Variants in SLC9C1 observed in about 807,000 individuals in gnomAD.
SLC9C1 encodes solute carrier family 9 member C1, also known as sodium/hydrogen exchanger 10.
In SLC9C1, 97 loss-of-function variants were observed where a neutral mutation model predicts 140.9. That is an observed-to-expected ratio of 0.69 (90% CI 0.58 to 0.82). The LOEUF is 0.82. Among genes scored for constraint, SLC9C1 ranks in the 40% least tolerant of loss-of-function variants. SLC9C1 has a pLI of 0.00. For synonymous variants in SLC9C1, 440 were observed against 442.6 expected (o/e 0.99, Z 0.07); for missense variants, 1,340 against 1,389.3 (o/e 0.96, Z 0.56).
chr3:112,167,090 A>G, intron 26 of SLC9C1, 131 bp downstream of exon 26: 1 of 921,290 alleles, frequency 1.1e-6, no homozygotes, highest in Non-Finnish European at 1.6e-6. Context: ...TACATTGAAT[A>G]GCAAATATGG....
intron 26 of SLC9C1, among the ~76,000 whole-genome samples, chr3:112,166,951 T>G (rs1461196972): frequency 1.3e-5 from 2 of 152,190 alleles, no homozygotes; most frequent in Non-Finnish European, 2.9e-5. Context: ...ATCTTAATTT[T>G]GGGGAAGAGC....
At chr3:112,293,113 A>C (rs2080735769) in intron 1 of SLC9C1, among the ~76,000 whole-genome samples, 1 of 2,758 alleles carries the variant, frequency 3.6e-4, no homozygotes, top group Non-Finnish European at 8.6e-4. Flanking sequence ...CTAAAAATAC[A>C]AAAAAAAAAA....
chr3:112,197,264 G>A (rs1213150611), intron 20 of SLC9C1, among the ~76,000 whole-genome samples: 2 of 152,062 alleles, frequency 1.3e-5, no homozygotes, highest in African/African-American at 4.8e-5. Context: ...AAATAAAGAG[G>A]TTAAAAAAAG....
chr3:112,211,440 G>A (rs1285727731), intron 15 of SLC9C1, among the ~76,000 whole-genome samples: 1 of 152,218 alleles, frequency 6.6e-6, no homozygotes, highest in Non-Finnish European at 1.5e-5. Flanking sequence ...AAGGGGTCGG[G>A]GGATTCCCTT....
In SLC9C1 at chr3:112,274,882, T is replaced by A. The variant is rs777373133; in HGVS notation, c.613+15A>T. ...GATTCTGATGTTGAGAAAAATTTTT[T>A]AAAAATATACTTACCTAAGGTATGG... is the stretch of plus-strand genomic sequence containing the variant. On this transcript the variant is annotated intron_variant, in intron 6 of 28. Coordinates refer to ENST00000305815, the MANE Select transcript of SLC9C1 (RefSeq NM_183061.3). 41 of 1,528,320 alleles carry A rather than the reference T, an allele frequency of 2.7e-5. No homozygotes were observed. Among genetic ancestry groups the A allele is most frequent in the Admixed American group, 2.3e-5 (1 of 42,702 alleles). The allele number at this position is 1,528,320 out of a possible 1,614,324, so 94.7% of individuals were successfully genotyped here.
chr3:112,215,256 T>C (rs1301293385), intron 15 of SLC9C1, among the ~76,000 whole-genome samples: 2 of 152,222 alleles, frequency 1.3e-5, no homozygotes, highest in African/African-American at 4.8e-5. Flanking sequence ...AATATCATAC[T>C]GAATGGGCAA....
chr3:112,179,303 T>C (rs1267113545), intron 23 of SLC9C1, among the ~76,000 whole-genome samples: 1 of 152,162 alleles, frequency 6.6e-6, no homozygotes, highest in Non-Finnish European at 1.5e-5. Flanking sequence ...TTGCCAGTTT[T>C]TCTGGATACA....
chr3:112,214,898 C>T (rs1048634630), intron 15 of SLC9C1, among the ~76,000 whole-genome samples: 1 of 138,138 alleles, frequency 7.2e-6, no homozygotes, highest in African/African-American at 2.7e-5. Context: ...CTGGCAGAGA[C>T]ACAACAAAAA....
intron 21 of SLC9C1, 53 bp downstream of exon 21, chr3:112,182,080 A>T: frequency 3.3e-6 from 4 of 1,216,626 alleles, no homozygotes; most frequent in Middle Eastern, 3.0e-4. Context: ...CTTATTTTAA[A>T]GATTATTTGT....
At chr3:112,157,827 T>G (rs1226065123) in intron 26 of SLC9C1, among the ~76,000 whole-genome samples, 1 of 151,986 alleles carries the variant, frequency 6.6e-6, no homozygotes, top group Non-Finnish European at 1.5e-5. Flanking sequence ...GACTGATCAC[T>G]GTTAGCCTAT....
intron 8 of SLC9C1, among the ~76,000 whole-genome samples, chr3:112,265,788 T>A (rs1383181803): frequency 1.3e-5 from 2 of 152,166 alleles, no homozygotes; most frequent in Non-Finnish European, 2.9e-5. Flanking sequence ...CCCAGCTTAC[T>A]CTTCTGATTT....
intron 6 of SLC9C1, among the ~76,000 whole-genome samples, chr3:112,273,520 A>G (rs1263443866): frequency 1.3e-5 from 2 of 152,124 alleles, no homozygotes; most frequent in Admixed American, 1.3e-4. Flanking sequence ...CCTATGCCCA[A>G]GTGGGGTAAC....
At chr3:112,213,817 A>G (rs941572847) in intron 15 of SLC9C1, among the ~76,000 whole-genome samples, 1 of 152,198 alleles carries the variant, frequency 6.6e-6, no homozygotes, top group Non-Finnish European at 1.5e-5. Context: ...AAAGTTAACA[A>G]GGATATCCAG....
Position 112,165,321 on chromosome 3 carries a change from G to T in SLC9C1, c.3364+1900C>A, listed in dbSNP as rs560542257. On this transcript the variant is annotated intron_variant, in intron 26 of 28. Transcript: ENST00000305815. ...TTTGTTCCATTGCTGGTGAGGAGCTGCATTCCTTTAGAGAAGGAGAGGCAC... is the reference window on the plus strand; with the variant it reads ...TTTGTTCCATTGCTGGTGAGGAGCTTCATTCCTTTAGAGAAGGAGAGGCAC... Among the ~76,000 whole-genome samples, 8 of 152,304 alleles carry T rather than the reference G, an allele frequency of 5.3e-5. No individual in the cohort carries two copies. The East Asian group carries it at 1.5e-3, about 29-fold the overall frequency.
At chr3:112,177,962 A>G (rs1386404864) in intron 23 of SLC9C1, among the ~76,000 whole-genome samples, 1 of 151,838 alleles carries the variant, frequency 6.6e-6, no homozygotes, top group South Asian at 2.1e-4. Context: ...TTATATGCCA[A>G]AAATAAAAAT....
intron 23 of SLC9C1, among the ~76,000 whole-genome samples, chr3:112,176,842 G>T (rs568035313): frequency 6.6e-6 from 1 of 152,136 alleles, no homozygotes; most frequent in Admixed American, 6.5e-5. Flanking sequence ...CCAAGGCTTT[G>T]TTAGGTCTTA....
intron 3 of SLC9C1, chr3:112,279,060 A>C: frequency 2.3e-6 from 1 of 429,120 alleles, no homozygotes; most frequent in Non-Finnish European, 4.1e-6. Flanking sequence ...GAAGAATAGA[A>C]CGGATAGAGA....
chr3:112,168,589 CTG>C (rs1322530875), intron 25 of SLC9C1, among the ~76,000 whole-genome samples: 1 of 152,170 alleles, frequency 6.6e-6, no homozygotes, highest in Non-Finnish European at 1.5e-5. Context: ...CAATGAATAA[CTG>C]TACCAAAATC....
rs1049366711 is a variant in SLC9C1 at position 112,194,803 on chromosome 3, C to CT, written c.2523+4517dup. Reference sequence around the variant, plus strand: ...ACCCTCACCGAAACAATGATATTTTCTTTTTTTTTTTTGGTGGTAGCTATC... The same window carrying CT: ...ACCCTCACCGAAACAATGATATTTTCTTTTTTTTTTTTTGGTGGTAGCTATC... On this transcript the variant is annotated intron_variant, in intron 20 of 28. Coordinates refer to ENST00000305815, the MANE Select transcript of SLC9C1 (RefSeq NM_183061.3). 4.3e-3 allele frequency among the ~76,000 whole-genome samples: 601 copies of CT among 140,838 alleles called. 5 individuals carry two copies. Among genetic ancestry groups the CT allele is most frequent in the East Asian group, 0.027 (132 of 4,876 alleles). 92.4% of individuals were successfully genotyped at this position (140,838 alleles called of 152,430 possible).
Sources: allele counts gnomAD v4.1 joint callset (sites outside exome capture counted in the v4.1 genomes callset), GRCh38; gene constraint gnomAD v4.1.1; transcripts MANE v1.5; gene names NCBI Gene and HGNC (gene_info 2026-07-23, HGNC 2026-07-21).